TNNT1: variants seen among roughly 807,000 people sequenced by gnomAD.
TNNT1 encodes the protein troponin T1, slow skeletal type, also known as troponin T, slow skeletal muscle.
In TNNT1, 53 loss-of-function variants were observed where a neutral mutation model predicts 50.6. That is an observed-to-expected ratio of 1.05 (90% confidence interval 0.84 to 1.32). The LOEUF (loss-of-function observed/expected upper bound fraction) is 1.32, where lower values mean the gene tolerates loss of function less well. Ranked by LOEUF, TNNT1 falls within the 40% of genes most tolerant of loss-of-function variation. The pLI is 0.00. For missense variants in TNNT1, 348 were observed against 381.7 expected (o/e 0.91, Z 0.74); for synonymous variants, 142 against 138.0 (o/e 1.03, Z -0.20).
At chr19:55,145,311 G>C (rs1003516904) in intron 6 of TNNT1, 9 of 585,492 alleles carry the variant, frequency 1.5e-5, no homozygotes, top group Non-Finnish European at 2.7e-5. Context: ...GAAGAAGAAG[G>C]GGAAGGAGAA....
intron 1 of TNNT1, among the ~76,000 whole-genome samples, chr19:55,147,781 AGGGTCTG>A (rs2085606330): frequency 9.0e-6 from 1 of 111,162 alleles, no homozygotes; most frequent in African/African-American, 3.5e-5. Context: ...CTGAGGGAGG[AGGGTCTG>A]GGGGCCTGGC....
At chr19:55,146,590 G>T (rs1356064433) in intron 4 of TNNT1, 91 bp downstream of exon 4, 1 of 1,229,522 alleles carries the variant, frequency 8.1e-7, no homozygotes, top group African/African-American at 1.5e-5. Flanking sequence ...AGCCGAGGCC[G>T]TCGGGAGCCC....
rs2085299378 is a variant in TNNT1, at chr19:55,134,114, C to T, written c.702G>A (p.Glu234=). ...QELSDWIHQL[E]SEKFDLMAKL... ...TCGCCATCAGGTCGAACTTCTCAGA[C>T]TCCAGCTGGTGGATCCAGTCCGACA... Residue 234 remains glutamate (E), a synonymous_variant, in exon 12 of 14, where the codon GAG becomes GAA. Coordinates refer to ENST00000588981, the MANE Select transcript of TNNT1 (RefSeq NM_003283.6). The T allele has an allele frequency of 1.2e-6, 2 of 1,612,092 alleles. No individual in the cohort carries two copies. The highest frequency in any genetic ancestry group is 1.7e-6 in the Non-Finnish European group (2 of 1,179,568).
intron 11 of TNNT1, chr19:55,135,505 A>G: frequency 3.4e-6 from 1 of 296,324 alleles, no homozygotes; most frequent in Non-Finnish European, 6.4e-6. Flanking sequence ...CTCAGGCTCT[A>G]GTGATCCTCT....
At chr19:55,136,957 C>T in intron 11 of TNNT1, 146 bp downstream of exon 11, 1 of 615,796 alleles carries the variant, frequency 1.6e-6, no homozygotes, top group Non-Finnish European at 2.9e-6. Flanking sequence ...CAGCAGAGGC[C>T]CAGAGAGGGG....
At chr19:55,144,166 C>G (rs2085507497) in intron 6 of TNNT1, among the ~76,000 whole-genome samples, 1 of 147,330 alleles carries the variant, frequency 6.8e-6, no homozygotes, top group Admixed American at 7.0e-5. Context: ...CCTCCCGGTT[C>G]AAGCGATTCT....
chr19:55,144,910 A>G (rs2085519739), intron 6 of TNNT1, among the ~76,000 whole-genome samples: 1 of 152,144 alleles, frequency 6.6e-6, no homozygotes, highest in Non-Finnish European at 1.5e-5. Context: ...ATGGAGGAGG[A>G]TGAGCCACAA....
At chr19:55,133,272 T>G (rs1328934428) in intron 13 of TNNT1, among the ~76,000 whole-genome samples, 1 of 145,328 alleles carries the variant, frequency 6.9e-6, no homozygotes, top group Non-Finnish European at 1.5e-5. Context: ...TGGGCATGGG[T>G]GGGTAACACG....
intron 13 of TNNT1, among the ~76,000 whole-genome samples, chr19:55,133,304 A>G (rs1025289613): frequency 1.3e-5 from 2 of 151,834 alleles, no homozygotes; most frequent in African/African-American, 4.8e-5. Context: ...GGGGTGAAAG[A>G]GACAGGAAAT....
intron 5 of TNNT1, 71 bp from the exon 6 acceptor site, chr19:55,145,636 C>T: frequency 6.4e-7 from 1 of 1,572,558 alleles, no homozygotes; most frequent in South Asian, 1.1e-5. Flanking sequence ...CCTGACACAC[C>T]CTGGGGAGGG....
At chr19:55,142,149 C>CT (rs900046636) in intron 6 of TNNT1, 13 of 481,848 alleles carry the variant, frequency 2.7e-5, no homozygotes, top group African/African-American at 2.0e-4. Context: ...TTGACGGAGT[C>CT]TTGCTCTGTC....
At position 55,146,429 on chromosome 19, in the gene TNNT1, G is replaced by T; in HGVS notation, c.106+5C>A. The T allele has an allele frequency of 1.5e-6, 2 of 1,361,480 alleles. No individual in the cohort carries two copies. Among genetic ancestry groups the T allele is most frequent in the East Asian group, 3.0e-5 (1 of 33,360 alleles). The allele number at this position is 1,361,480 out of a possible 1,614,324, so 84.3% of individuals were successfully genotyped here. A position where few individuals can be genotyped will look rare whatever the true frequency, so the allele number is the denominator to read the frequency against. On this transcript the variant is annotated splice_donor_5th_base_variant and intron_variant, in intron 5 of 13. Transcript: ENST00000588981. ...GGTCTCGGGAAGCGAAGCAGCCGCG[G>T]TTACCTGGCTCTGCCACCGGCTCCG...
Position 55,140,950 on chromosome 19 carries a change from C to A in TNNT1, c.320G>T (p.Arg107Leu). 1 of 1,613,914 alleles carries A rather than the reference C, an allele frequency of 6.2e-7. No individual in the cohort carries two copies. Among genetic ancestry groups the A allele is most frequent in the Non-Finnish European group, 8.5e-7 (1 of 1,180,006 alleles). The change falls in exon 9 of 14, where the codon CGG becomes CTG. Residue 107 changes from arginine to leucine, a missense_variant. Physicochemically the swap from Arg to Leu is moderately radical, Grantham distance 102. Around this residue, in one of 3 missense-constraint regions of TNNT1, gnomAD observed 253 missense variants for 291.8 expected, o/e 0.87. Coordinates refer to ENST00000588981, the MANE Select transcript of TNNT1 (RefSeq NM_003283.6). ...VALKERIERR[R>L]SERAEQQRFR... Reference sequence around the variant, plus strand: ...GCGCTGTTGCTCGGCTCTCTCTGACCGGCGCCGCTCCTGGGAAACGGAGAA... The same window carrying A: ...GCGCTGTTGCTCGGCTCTCTCTGACAGGCGCCGCTCCTGGGAAACGGAGAA...
At chr19:55,141,165 G>A (rs369163907) in intron 8 of TNNT1, 21 bp downstream of exon 8, 122 of 1,597,508 alleles carry the variant, frequency 7.6e-5, no homozygotes, top group Non-Finnish European at 1.0e-4. Context: ...AGACCGGGGG[G>A]AACCCGGACT....
Position 55,141,926 on chromosome 19 carries a change from T to C in TNNT1, c.129-6A>G. ...AAGGAGGCACCACGGGGCGGCTGAG[T>C]GGACAGAAACACAGAGACCATGAGT... On this transcript the variant is annotated splice_polypyrimidine_tract_variant and splice_region_variant and intron_variant, in intron 6 of 13. Transcript: ENST00000588981. The C allele has an allele frequency of 6.2e-7, 1 of 1,613,774 alleles. No homozygotes were observed. Among genetic ancestry groups the C allele is most frequent in the Non-Finnish European group, 8.5e-7 (1 of 1,179,874 alleles).
intron 6 of TNNT1, 49 bp from the exon 7 acceptor site, chr19:55,141,969 C>G: frequency 6.3e-7 from 1 of 1,583,690 alleles, no homozygotes; most frequent in South Asian, 1.1e-5. Context: ...CCTCCCTGAG[C>G]CACCTCCCAC....
rs754916823 is a variant in TNNT1 at position 55,147,017 on chromosome 19, G to A, written c.37C>T (p.Gln13Ter). ...DTEEQEYEEEQPEEEAAEEEE... is the reference protein window; with the variant it reads ...DTEEQEYEEE ...CCCACTCCCTACTCACCTTCCGGCT[G>A]CTCCCTGCGGACGGGTGTGGGGAGA... The change falls in exon 3 of 14, where the codon CAG becomes TAG. Residue 13 changes from glutamine (Q) to a stop codon, truncating the protein, a stop_gained. Coordinates refer to ENST00000588981, the MANE Select transcript of TNNT1 (RefSeq NM_003283.6). LOFTEE classifies it high-confidence loss of function. 6.2e-7 allele frequency: 1 copy of A among 1,611,228 alleles called. No homozygotes were observed.
At chr19:55,141,672 C>T (rs532856175) in intron 7 of TNNT1, among the ~76,000 whole-genome samples, 185 bp downstream of exon 7, 9 of 152,048 alleles carry the variant, frequency 5.9e-5, no homozygotes, top group South Asian at 4.2e-4. Flanking sequence ...TTAGTAGAGA[C>T]GGGGTTTCAC....
In TNNT1 at chr19:55,132,910, C is replaced by T. The variant is rs1193050590; in HGVS notation, c.*5G>A. On this transcript the variant is annotated 3_prime_UTR_variant, in exon 14 of 14. Coordinates refer to ENST00000588981, the MANE Select transcript of TNNT1 (RefSeq NM_003283.6). ...TCCCAGGTGCCACTGTCCGGGGCGG[C>T]ATCCTCACTTCCAGCGGCCTCCAAC... 1.2e-6 allele frequency: 2 copies of T among 1,601,238 alleles called. No individual in the cohort carries two copies. Among genetic ancestry groups the T allele is most frequent in the Non-Finnish European group, 1.7e-6 (2 of 1,175,158 alleles).
Sources: allele counts gnomAD v4.1 joint callset (sites outside exome capture counted in the v4.1 genomes callset), GRCh38; gene constraint gnomAD v4.1.1; regional missense constraint gnomAD v4.1.1; transcripts MANE v1.5; gene names NCBI Gene and HGNC (gene_info 2026-07-23, HGNC 2026-07-21).